Variants in STOX1 observed in about 807,000 individuals in gnomAD.
STOX1 encodes storkhead-box protein 1.
In STOX1, 57 loss-of-function variants were observed where a neutral mutation model predicts 74.8. The observed-to-expected ratio is 0.76, with a 90% CI of 0.62 to 0.95. STOX1 has a LOEUF of 0.95. Ranked by LOEUF, STOX1 falls within the 40% of genes least tolerant of loss-of-function variation. STOX1 has a pLI of 0.00. For synonymous variants in STOX1, 375 were observed against 401.3 expected (o/e 0.93, Z 0.78); for missense variants, 1,010 against 1,117.0 (o/e 0.90, Z 1.37).
At chr10:68,843,305 T>C (rs1308586301) in intron 1 of STOX1, among the ~76,000 whole-genome samples, 2 of 152,190 alleles carry the variant, frequency 1.3e-5, no homozygotes, top group Non-Finnish European at 2.9e-5. Flanking sequence ...GTGCTGGGAT[T>C]ATAGCCGTGA....
At chr10:68,864,991 G>A (rs1200195563) in intron 1 of STOX1, among the ~76,000 whole-genome samples, 1 of 152,192 alleles carries the variant, frequency 6.6e-6, no homozygotes, top group African/African-American at 2.4e-5. Flanking sequence ...CCTCAAGTAG[G>A]AGTAAGGAGT....
At chr10:68,867,868 G>A (rs561465748) in intron 1 of STOX1, among the ~76,000 whole-genome samples, 2 of 152,320 alleles carry the variant, frequency 1.3e-5, no homozygotes, top group East Asian at 1.9e-4. Flanking sequence ...TTTCTCTACC[G>A]CACTAAAAAG....
chr10:68,837,803 T>C (rs1839593319), intron 1 of STOX1, among the ~76,000 whole-genome samples: 1 of 152,220 alleles, frequency 6.6e-6, no homozygotes. Context: ...CATGTGTTGG[T>C]AGGTATTCTG....
intron 1 of STOX1, among the ~76,000 whole-genome samples, chr10:68,830,185 A>T (rs1839369227): frequency 6.6e-6 from 1 of 152,252 alleles, no homozygotes; most frequent in East Asian, 1.9e-4. Context: ...TCTTCTGCCC[A>T]GTGGGTAATG....
chr10:68,832,268 T>G (rs1839431058), intron 1 of STOX1, among the ~76,000 whole-genome samples: 1 of 151,878 alleles, frequency 6.6e-6, no homozygotes, highest in African/African-American at 2.4e-5. Flanking sequence ...AGATTAACGG[T>G]GGGGGTGGGC....
chr10:68,884,205 C>T, intron 2 of STOX1, 55 bp from the exon 3 acceptor site: 1 of 1,488,744 alleles, frequency 6.7e-7, no homozygotes, highest in Non-Finnish European at 9.4e-7. Context: ...ACTGATTTCA[C>T]TCATTAAAAT....
chr10:68,866,302 G>A (rs184771035), intron 1 of STOX1, among the ~76,000 whole-genome samples: 302 of 152,232 alleles, frequency 2.0e-3, no homozygotes, highest in Non-Finnish European at 3.2e-3. Flanking sequence ...GGTTGAACTG[G>A]CCATGTGGAT....
At chr10:68,855,667 A>G (rs1049136976) in intron 1 of STOX1, among the ~76,000 whole-genome samples, 2 of 150,888 alleles carry the variant, frequency 1.3e-5, no homozygotes, top group Admixed American at 6.6e-5. Flanking sequence ...CTGGTCTCTA[A>G]CTCCTGGGCT....
chr10:68,858,133 T>C (rs1286139612), intron 1 of STOX1, among the ~76,000 whole-genome samples: 4 of 152,154 alleles, frequency 2.6e-5, no homozygotes, highest in Non-Finnish European at 5.9e-5. Context: ...CCTGTGCAGA[T>C]GGACCTCGCT....
intron 1 of STOX1, among the ~76,000 whole-genome samples, chr10:68,857,333 C>T (rs958350505): frequency 2.0e-5 from 3 of 151,986 alleles, no homozygotes; most frequent in African/African-American, 7.3e-5. Context: ...GCTTCCCTCC[C>T]CTCCTGAAAG....
intron 1 of STOX1, among the ~76,000 whole-genome samples, chr10:68,881,039 TG>T (rs1325693268): frequency 6.6e-6 from 1 of 152,200 alleles, no homozygotes; most frequent in Non-Finnish European, 1.5e-5. Flanking sequence ...TGATGTTTCT[TG>T]GTGCTTTTCT....
intron 1 of STOX1, among the ~76,000 whole-genome samples, chr10:68,830,759 A>G (rs146705518): frequency 1.6e-3 from 248 of 152,292 alleles, no homozygotes; most frequent in African/African-American, 5.8e-3. Flanking sequence ...TGGGATTTGG[A>G]CAAAGCCACC....
rs1325406254 is a variant in STOX1, at chr10:68,827,811, A to G, written c.188A>G (p.Gln63Arg). ...LARAASRLAF[Q>R]GWLRRGVLLV... ...CGCGCCGCCTCGCGGCTGGCCTTCC[A>G]GGGCTGGCTGCGGCGGGGGGTGCTG... The change falls in exon 1 of 4, where the codon CAG becomes CGG. Residue 63 changes from glutamine to arginine, a missense_variant. Transcript: ENST00000298596. 2.3e-6 allele frequency: 1 copy of G among 438,282 alleles called. No homozygotes were observed. Among genetic ancestry groups the G allele is most frequent in the Non-Finnish European group, 2.8e-6 (1 of 360,814 alleles). 27.1% of individuals were successfully genotyped at this position (438,282 alleles called of 1,614,324 possible). A position where few individuals can be genotyped will look rare whatever the true frequency, so the allele number is the denominator to read the frequency against.
At chr10:68,839,557 TA>T (rs1308889326) in intron 1 of STOX1, among the ~76,000 whole-genome samples, 1 of 151,716 alleles carries the variant, frequency 6.6e-6, no homozygotes, top group Non-Finnish European at 1.5e-5. Flanking sequence ...AAAAGAACAA[TA>T]AAAAACAAAG....
At chr10:68,863,221 G>A (rs1840304171) in intron 1 of STOX1, among the ~76,000 whole-genome samples, 2 of 151,988 alleles carry the variant, frequency 1.3e-5, no homozygotes, top group African/African-American at 4.8e-5. Context: ...TAGAAGTGGT[G>A]GAAAAGGTAA....
At chr10:68,876,096 G>C (rs1333311333) in intron 1 of STOX1, among the ~76,000 whole-genome samples, 1 of 147,958 alleles carries the variant, frequency 6.8e-6, no homozygotes, top group Non-Finnish European at 1.5e-5. Context: ...GAGGAGTGGG[G>C]GTTGCTTTCT....
At chr10:68,853,072 G>A (rs984746928) in intron 1 of STOX1, among the ~76,000 whole-genome samples, 3 of 151,906 alleles carry the variant, frequency 2.0e-5, no homozygotes, top group East Asian at 1.9e-4. Flanking sequence ...ACAGGCATGC[G>A]CCACCATGCC....
intron 1 of STOX1, among the ~76,000 whole-genome samples, chr10:68,840,480 A>C (rs558246028): frequency 1.3e-5 from 2 of 152,178 alleles, no homozygotes; most frequent in South Asian, 4.2e-4. Flanking sequence ...GGCTCGGCTC[A>C]AGTGCTGGGA....
intron 1 of STOX1, among the ~76,000 whole-genome samples, chr10:68,868,480 T>C (rs1840462076): frequency 6.6e-6 from 1 of 152,196 alleles, no homozygotes; most frequent in South Asian, 2.1e-4. Context: ...CTTGCCCTCA[T>C]TCTGGTAAAC....
Sources: allele counts gnomAD v4.1 joint callset (sites outside exome capture counted in the v4.1 genomes callset), GRCh38; gene constraint gnomAD v4.1.1; transcripts MANE v1.5; gene names NCBI Gene and HGNC (gene_info 2026-07-23, HGNC 2026-07-21).